The following SSUH2 variants were observed in gnomAD, a reference collection of about 807,000 sequenced individuals.
The protein encoded by SSUH2 is protein SSUH2 homolog.
A neutral mutation model predicts 55.3 loss-of-function variants in SSUH2; 47 were observed. The observed-to-expected ratio is 0.85, with a 90% CI of 0.67 to 1.08. The LOEUF is 1.08. SSUH2 is among the 50% of genes least tolerant of loss of function. The pLI is 0.00. For missense variants in SSUH2, 535 were observed against 490.7 expected (o/e 1.09, Z -0.85); for synonymous variants, 212 against 191.5 (o/e 1.11, Z -0.89).
chr3:8,634,478 C>A, intron 3 of SSUH2: 1 of 1,289,962 alleles, frequency 7.8e-7, no homozygotes, highest in Non-Finnish European at 1.0e-6. Flanking sequence ...TTCTCCATGG[C>A]AGCCCTGAGA....
intron 7 of SSUH2, among the ~76,000 whole-genome samples, chr3:8,656,848 C>T (rs1702980705): frequency 1.3e-5 from 2 of 148,236 alleles, no homozygotes; most frequent in South Asian, 4.5e-4. Flanking sequence ...ATTTACCACT[C>T]TGCTTCATTT....
At chr3:8,666,425 G>A (rs112473966) in intron 5 of SSUH2, among the ~76,000 whole-genome samples, 10,332 of 152,204 alleles carry the variant, frequency 0.068, 403 homozygotes, top group Middle Eastern at 0.14. Flanking sequence ...GATGCAGACC[G>A]TCAGGGAAGA....
At chr3:8,639,265 A>G (rs989493514) in intron 1 of SSUH2, among the ~76,000 whole-genome samples, 2 of 151,960 alleles carry the variant, frequency 1.3e-5, no homozygotes, top group Non-Finnish European at 2.9e-5. Flanking sequence ...CAGCTGGACC[A>G]CCCCGCCCTA....
chr3:8,620,270 GAGTA>G (rs1412689611), intron 11 of SSUH2, among the ~76,000 whole-genome samples: 11 of 151,944 alleles, frequency 7.2e-5, no homozygotes, highest in Middle Eastern at 3.4e-3. Context: ...TCATGATAGT[GAGTA>G]AGTCTCACGA....
chr3:8,659,882 A>C (rs1703305751), intron 6 of SSUH2: 1 of 438,802 alleles, frequency 2.3e-6, no homozygotes, highest in Admixed American at 2.4e-5. Context: ...GCATGGGTTC[A>C]TGGGAATCTT....
At chr3:8,665,176 C>T (rs758113335) in intron 5 of SSUH2, among the ~76,000 whole-genome samples, 4 of 149,074 alleles carry the variant, frequency 2.7e-5, no homozygotes, top group South Asian at 4.2e-4. Context: ...TTTCAGTTGC[C>T]GTGAAAGAAA....
intron 2 of SSUH2, among the ~76,000 whole-genome samples, chr3:8,679,512 C>A (rs1490689444): frequency 6.8e-6 from 1 of 148,054 alleles, no homozygotes; most frequent in Non-Finnish European, 1.5e-5. Flanking sequence ...GGCTTTGGGA[C>A]CCTCATCGCA....
chr3:8,632,176 A>T (rs537877679), intron 4 of SSUH2, 67 bp from the exon 5 acceptor site: 2 of 1,394,822 alleles, frequency 1.4e-6, no homozygotes, highest in South Asian at 2.3e-5. Flanking sequence ...ATGCAAAAAG[A>T]TGAAGCTGTT....
At chr3:8,645,227 A>G (rs1429596868), upstream of SSUH2, among the ~76,000 whole-genome samples, 2 of 152,176 alleles carry the variant, frequency 1.3e-5, no homozygotes, top group African/African-American at 4.8e-5. Context: ...GGGATATTAT[A>G]TACAGATACT....
intron 1 of SSUH2, among the ~76,000 whole-genome samples, chr3:8,636,735 T>A (rs993085301): frequency 8.5e-5 from 13 of 152,062 alleles, no homozygotes; most frequent in African/African-American, 3.1e-4. Context: ...CTGAAGACAT[T>A]CCCTCCTCTT....
At chr3:8,623,482 C>G in intron 11 of SSUH2, 67 bp downstream of exon 11, 1 of 989,350 alleles carries the variant, frequency 1.0e-6, no homozygotes, top group East Asian at 2.6e-5. Context: ...CCGACGTTCT[C>G]AGGAAAGAGG....
At chr3:8,628,656 C>T (rs1698094927) in intron 7 of SSUH2, among the ~76,000 whole-genome samples, 1 of 152,178 alleles carries the variant, frequency 6.6e-6, no homozygotes. Flanking sequence ...GGCTGGGTGA[C>T]AAGGCAGGTG....
intron 5 of SSUH2, among the ~76,000 whole-genome samples, chr3:8,666,107 T>C (rs929671460): frequency 1.3e-5 from 2 of 152,204 alleles, no homozygotes; most frequent in African/African-American, 4.8e-5. Context: ...TTATGGAGTT[T>C]CAAATGTGCT....
At chr3:8,637,636 C>T (rs1700136916) in intron 1 of SSUH2, among the ~76,000 whole-genome samples, 1 of 152,172 alleles carries the variant, frequency 6.6e-6, no homozygotes, top group African/African-American at 2.4e-5. Context: ...CTGGGCCGCC[C>T]CTTTAAAACT....
chr3:8,625,654 G>A lies in SSUH2; in HGVS notation c.768-7C>T, dbSNP rs370282298. 1 of 1,602,270 alleles carries A rather than the reference G, an allele frequency of 6.2e-7. No individual in the cohort carries two copies. The highest frequency in any genetic ancestry group is 1.3e-5 in the African/African-American group (1 of 74,700). On this transcript the variant is annotated splice_region_variant and splice_polypyrimidine_tract_variant and intron_variant, in intron 9 of 11. Coordinates refer to ENST00000544814, the MANE Select transcript of SSUH2 (RefSeq NM_001256748.3). ...CTCAAACAAGCTGTTCTTCCTGGAG[G>A]GAAGGAGGATGAGGGATGAAAGCAC...
chr3:8,644,822 T>G (rs1379224621), upstream of SSUH2: 1 of 1,419,206 alleles, frequency 7.0e-7, no homozygotes, highest in Admixed American at 2.0e-5. Context: ...TGTGCTCTGA[T>G]GGACCACCCT....
intron 7 of SSUH2, among the ~76,000 whole-genome samples, chr3:8,653,561 T>C (rs1702644310): frequency 6.6e-6 from 1 of 152,242 alleles, no homozygotes; most frequent in Non-Finnish European, 1.5e-5. Context: ...GTTCATTTTA[T>C]TGTTGTTGCT....
intron 7 of SSUH2, among the ~76,000 whole-genome samples, chr3:8,656,329 T>C (rs1702929514): frequency 6.6e-6 from 1 of 152,212 alleles, no homozygotes; most frequent in Non-Finnish European, 1.5e-5. Flanking sequence ...ATTTTACTAT[T>C]TATTCTTCTA....
intron 4 of SSUH2, among the ~76,000 whole-genome samples, chr3:8,671,338 T>C (rs919817448): frequency 5.3e-5 from 8 of 152,062 alleles, no homozygotes; most frequent in African/African-American, 1.9e-4. Flanking sequence ...AGAGTCACAT[T>C]TCCCTAGAAT....
Sources: gnomAD v4.1 joint callset for allele counts (sites outside exome capture counted in the v4.1 genomes callset) on GRCh38, gnomAD v4.1.1 for gene constraint, MANE v1.5 for transcripts, NCBI Gene and HGNC (gene_info 2026-07-23, HGNC 2026-07-21) for gene names.